Variants in ASIC2 observed in about 807,000 individuals in gnomAD.
ASIC2 encodes the protein acid-sensing ion channel 2.
Under a neutral mutation model 57.3 loss-of-function variants are expected in ASIC2, and 25 were observed. The observed-to-expected ratio is 0.44, with a 90% confidence interval of 0.32 to 0.61. ASIC2 has a LOEUF of 0.61. Ranked by LOEUF, ASIC2 falls within the 20% of genes least tolerant of loss-of-function variation. The pLI, the probability that ASIC2 is intolerant of heterozygous loss-of-function variation, is 0.06. For synonymous variants in ASIC2, 319 were observed against 307.5 expected, an observed-to-expected ratio of 1.04 and a Z score of -0.39; for missense variants, 641 against 738.1, an observed-to-expected ratio of 0.87 and a Z score of 1.52.
At chr17:33,339,313 C>G (rs567703447) in intron 1 of ASIC2, among the ~76,000 whole-genome samples, 4 of 152,106 alleles carry the variant, frequency 2.6e-5, no homozygotes, top group African/African-American at 9.7e-5. Context: ...GGGCAGCAAA[C>G]TTTTCACGTA....
chr17:33,603,030 C>T (rs527341794), intron 1 of ASIC2, among the ~76,000 whole-genome samples: 1 of 152,298 alleles, frequency 6.6e-6, no homozygotes, highest in South Asian at 2.1e-4. Flanking sequence ...TTTCAAAATC[C>T]CATGCCAGTC....
intron 1 of ASIC2, among the ~76,000 whole-genome samples, chr17:33,611,339 C>T (rs1905404468): frequency 6.6e-6 from 1 of 152,216 alleles, no homozygotes; most frequent in African/African-American, 2.4e-5. Flanking sequence ...GACCCTTCCC[C>T]TCTCTGGAAT....
At chr17:33,027,814 TG>T (rs2091865317) in intron 4 of ASIC2, among the ~76,000 whole-genome samples, 1 of 152,266 alleles carries the variant, frequency 6.6e-6, no homozygotes, top group African/African-American at 2.4e-5. Flanking sequence ...ATTTATTTGC[TG>T]GCCAATAGAC....
rs769110878 is a variant in ASIC2, at chr17:34,017,025, G to A, written c.555+138953C>T. 3.3e-5 allele frequency among the ~76,000 whole-genome samples: 5 copies of A among 152,098 alleles called. No individual in the cohort carries two copies. In the East Asian group the frequency reaches 9.6e-4, roughly 29 times the overall value. ...TTAAATAGCAATAGTTTCATCACAG[G>A]CATACCTTACTTTATTGCACCATGA... is the stretch of plus-strand genomic sequence containing the variant. On this transcript the variant is annotated intron_variant, in intron 1 of 9. Coordinates refer to the ASIC2 transcript ENST00000359872.
At chr17:33,696,937 C>T (rs185453426) in intron 1 of ASIC2, among the ~76,000 whole-genome samples, 53 of 152,184 alleles carry the variant, frequency 3.5e-4, no homozygotes, top group African/African-American at 1.2e-3. Context: ...TAATATTGGA[C>T]GTGGGGCCTG....
At chr17:33,625,696 G>A (rs1555548170) in intron 1 of ASIC2, among the ~76,000 whole-genome samples, 1 of 152,112 alleles carries the variant, frequency 6.6e-6, no homozygotes, top group Non-Finnish European at 1.5e-5. Flanking sequence ...CCACTTTCAG[G>A]GAATACACAA....
At chr17:33,438,843 G>A (rs1453289115) in intron 1 of ASIC2, among the ~76,000 whole-genome samples, 1 of 147,736 alleles carries the variant, frequency 6.8e-6, no homozygotes, top group African/African-American at 2.5e-5. Context: ...TGATGGCAGG[G>A]GAACCTTTTT....
Position 33,013,692 on chromosome 17 carries a change from T to C in ASIC2, c.*273A>G. The C allele has an allele frequency of 2.1e-6, 1 of 479,682 alleles. No homozygotes were observed. 29.7% of individuals were successfully genotyped at this position (479,682 alleles called of 1,614,324 possible). Reference sequence around the variant, plus strand: ...GAAGTCTGAGCATGCAGGTGCTTTATACATCTGGCAGTGAGATGTGATGGC... The same window carrying C: ...GAAGTCTGAGCATGCAGGTGCTTTACACATCTGGCAGTGAGATGTGATGGC... On this transcript the variant is annotated 3_prime_UTR_variant, in exon 10 of 10. Coordinates refer to ENST00000225823, the MANE Select transcript of ASIC2 (RefSeq NM_183377.2).
chr17:33,553,850 A>G lies in ASIC2; in HGVS notation c.556-441783T>C, dbSNP rs147657988. On this transcript the variant is annotated intron_variant, in intron 1 of 9. Coordinates refer to the ASIC2 transcript ENST00000359872. ...TTATTCTAATGTCTCACACATACTA[A>G]TGAGGCTTAAATGACTGTATGAAGC... Among the ~76,000 whole-genome samples the G allele has an allele frequency of 8.6e-4, 131 of 152,312 alleles. 2 individuals carry two copies. Among genetic ancestry groups the G allele is most frequent in the African/African-American group, 3.0e-3 (126 of 41,574 alleles).
At chr17:33,862,198 T>C (rs890592582) in intron 1 of ASIC2, among the ~76,000 whole-genome samples, 1 of 152,232 alleles carries the variant, frequency 6.6e-6, no homozygotes, top group Admixed American at 6.5e-5. Flanking sequence ...CTCGCCATCC[T>C]CTGAGTTTTC....
intron 1 of ASIC2, among the ~76,000 whole-genome samples, chr17:33,795,864 G>C (rs1911899982): frequency 6.6e-6 from 1 of 152,174 alleles, no homozygotes; most frequent in Admixed American, 6.5e-5. Flanking sequence ...AACTTATCCA[G>C]GTAGCTGGAA....
At chr17:33,926,369 A>G (rs1915822224) in intron 1 of ASIC2, among the ~76,000 whole-genome samples, 1 of 152,148 alleles carries the variant, frequency 6.6e-6, no homozygotes, top group Non-Finnish European at 1.5e-5. Context: ...GGGATTTTTG[A>G]ATACATATTT....
intron 1 of ASIC2, among the ~76,000 whole-genome samples, chr17:33,221,351 A>G (rs1907685688): frequency 6.6e-6 from 1 of 152,244 alleles, no homozygotes; most frequent in South Asian, 2.1e-4. Context: ...GGCTTTCAGA[A>G]ACAATGGTAT....
intron 1 of ASIC2, among the ~76,000 whole-genome samples, chr17:33,426,773 C>A (rs9915725): frequency 6.6e-6 from 1 of 152,090 alleles, no homozygotes; most frequent in Non-Finnish European, 1.5e-5. Flanking sequence ...TCTCTGTCCT[C>A]ATGGAGCTTC....
chr17:33,658,620 G>T (rs910640546), intron 1 of ASIC2, among the ~76,000 whole-genome samples: 3 of 152,172 alleles, frequency 2.0e-5, no homozygotes, highest in African/African-American at 7.2e-5. Flanking sequence ...TGTTGTGTCT[G>T]CACACGGTGG....
At chr17:33,926,420 C>T (rs1167080647) in intron 1 of ASIC2, among the ~76,000 whole-genome samples, 1 of 152,110 alleles carries the variant, frequency 6.6e-6, no homozygotes, top group East Asian at 1.9e-4. Flanking sequence ...AGCCACAAGT[C>T]TAAGCACAAA....
At chr17:33,422,771 T>C (rs540827490) in intron 1 of ASIC2, among the ~76,000 whole-genome samples, 55 of 152,336 alleles carry the variant, frequency 3.6e-4, no homozygotes, top group African/African-American at 1.1e-3. Context: ...GTTTGCATGC[T>C]AATCTCCAGC....
At chr17:33,539,748 C>T (rs1392939231) in intron 1 of ASIC2, among the ~76,000 whole-genome samples, 2 of 152,170 alleles carry the variant, frequency 1.3e-5, no homozygotes, top group Non-Finnish European at 2.9e-5. Flanking sequence ...CCAACTGTGC[C>T]AGGTGCTGAC....
intron 1 of ASIC2, among the ~76,000 whole-genome samples, chr17:33,840,779 C>T (rs1006801298): frequency 8.0e-6 from 1 of 124,338 alleles, no homozygotes; most frequent in African/African-American, 2.8e-5. Context: ...GTAGGTTATT[C>T]CTTTAGGTAC....
Sources: allele counts gnomAD v4.1 joint callset (sites outside exome capture counted in the v4.1 genomes callset), GRCh38; gene constraint gnomAD v4.1.1; transcripts MANE v1.5; gene names NCBI Gene and HGNC (gene_info 2026-07-23, HGNC 2026-07-21).